The following ITGAL variants were observed in gnomAD, a reference collection of about 807,000 sequenced individuals.
ITGAL encodes the protein integrin subunit alpha L.
In ITGAL, 68 loss-of-function variants were observed where a neutral mutation model predicts 138.4. That is an observed-to-expected ratio of 0.49 (90% CI 0.40 to 0.60). The LOEUF is 0.60. Ranked by LOEUF, ITGAL falls within the 20% of genes least tolerant of loss-of-function variation. The pLI is 0.00. For synonymous variants in ITGAL, 561 were observed against 584.3 expected (o/e 0.96, Z 0.57); for missense variants, 1,256 against 1,478.6 (o/e 0.85, Z 2.47).
rs1453502225 is a variant in ITGAL at position 30,507,018 on chromosome 16, G to A, written c.2508+162G>A. Among the ~76,000 whole-genome samples, 3 of 152,292 alleles carry A rather than the reference G, an allele frequency of 2.0e-5. No homozygotes were observed. The East Asian group carries it at 5.8e-4, about 29-fold the overall frequency. On this transcript the variant is annotated intron_variant, in intron 21 of 30. Transcript: ENST00000356798. Reference sequence around the variant, plus strand: ...TTCCCAGCCTCGAGCTGTATGATCCGAGGTACCAGGTTTACCCTCTCAGGC... The same window carrying A: ...TTCCCAGCCTCGAGCTGTATGATCCAAGGTACCAGGTTTACCCTCTCAGGC...
chr16:30,505,036 A>AAT, intron 18 of ITGAL: 4 of 381,458 alleles, frequency 1.0e-5, no homozygotes, highest in East Asian at 3.7e-5. Flanking sequence ...AAAAAAAAAA[A>AAT]GAGCTGCCAG....
intron 25 of ITGAL, 27 bp downstream of exon 25, chr16:30,513,873 T>C: frequency 6.6e-7 from 1 of 1,516,110 alleles, no homozygotes; most frequent in Non-Finnish European, 9.2e-7. Flanking sequence ...GGAAGGTCCT[T>C]ATAGGTCACA....
intron 17 of ITGAL, 158 bp downstream of exon 17, chr16:30,499,647 T>G: frequency 2.5e-6 from 1 of 404,924 alleles, no homozygotes; most frequent in Non-Finnish European, 4.3e-6. Context: ...TATTTTCTTC[T>G]AGTGTTTTTT....
rs1212246765 is a variant in ITGAL, at chr16:30,494,261, C to G, written c.1263C>G (p.Ala421=). 6.2e-7 allele frequency: 1 copy of G among 1,613,024 alleles called. No individual in the cohort carries two copies. Among genetic ancestry groups the G allele is most frequent in the East Asian group, 2.2e-5 (1 of 44,880 alleles). Residue 421 remains alanine (A), a synonymous_variant, in exon 12 of 31, where the codon GCC becomes GCG. Transcript: ENST00000356798. This position sits in a 1 kb window ranked among gnomAD's most constrained non-coding sequence, Gnocchi z 4.2. ...LPSRQKTSLL[A]SGAPRYQHMG... is the part of the protein sequence containing the mutation. Reference sequence around the variant, plus strand: ...CCCGGCAAAAGACTTCGTTGCTGGCCTCGGGAGCCCCTCGATACCAGCACA... The same window carrying G: ...CCCGGCAAAAGACTTCGTTGCTGGCGTCGGGAGCCCCTCGATACCAGCACA...
At chr16:30,503,036 A>G (rs1597093634) in intron 17 of ITGAL, among the ~76,000 whole-genome samples, 1 of 151,944 alleles carries the variant, frequency 6.6e-6, no homozygotes, top group East Asian at 1.9e-4. Flanking sequence ...GCTGGTCTCA[A>G]ACTCCTGACC....
intron 15 of ITGAL, among the ~76,000 whole-genome samples, chr16:30,498,057 C>T (rs903665480): frequency 4.0e-5 from 6 of 151,616 alleles, no homozygotes; most frequent in African/African-American, 1.5e-4. Flanking sequence ...TGTGGGGGCC[C>T]CTCTGGAGGA....
chr16:30,518,741 C>T, intron 29 of ITGAL, 22 bp downstream of exon 29: 1 of 1,561,172 alleles, frequency 6.4e-7, no homozygotes, highest in Non-Finnish European at 8.8e-7. Flanking sequence ...TCCTTGGAAG[C>T]CCCAGGAACA....
At chr16:30,482,764 C>G (rs2050578464) in intron 7 of ITGAL, among the ~76,000 whole-genome samples, 1 of 152,006 alleles carries the variant, frequency 6.6e-6, no homozygotes, top group Non-Finnish European at 1.5e-5. Context: ...TGCTGCTGTT[C>G]CAGCAAGAGC....
At chr16:30,521,355 C>T (rs371417951) in intron 30 of ITGAL, 137 bp from the exon 31 acceptor site, 61 of 655,586 alleles carry the variant, frequency 9.3e-5, no homozygotes, top group Middle Eastern at 4.1e-4. Context: ...TGCAGTGAGC[C>T]GAGATCGCAC....
chr16:30,478,971 G>C (rs1382539700), intron 4 of ITGAL, 120 bp from the exon 5 acceptor site: 1 of 757,258 alleles, frequency 1.3e-6, no homozygotes, highest in Admixed American at 2.1e-5. Context: ...TTGGTAACCA[G>C]TTGGATAGAG....
intron 15 of ITGAL, among the ~76,000 whole-genome samples, chr16:30,498,069 C>G (rs1694444838): frequency 6.6e-6 from 1 of 151,818 alleles, no homozygotes. Context: ...TCTGGAGGAG[C>G]AGGGGGCTGT....
chr16:30,516,264 C>T (rs907746452), intron 25 of ITGAL, among the ~76,000 whole-genome samples: 1 of 150,500 alleles, frequency 6.6e-6, no homozygotes, highest in Admixed American at 6.6e-5. Context: ...GAGTCTCACT[C>T]TGTCGCCCAG....
Position 30,521,529 on chromosome 16 carries a change from A to C in ITGAL, c.3377A>C (p.Glu1126Ala). 1 of 1,614,188 alleles carries C rather than the reference A, an allele frequency of 6.2e-7. No individual in the cohort carries two copies. Among genetic ancestry groups the C allele is most frequent in the Non-Finnish European group, 8.5e-7 (1 of 1,180,024 alleles). The change falls in exon 31 of 31, where the codon GAG becomes GCG. Residue 1126 changes from glutamate (E) to alanine (A), a missense_variant. Glu to Ala is a moderately radical substitution (Grantham distance 107). Around this residue, in one of 3 missense-constraint regions of ITGAL, gnomAD observed 867 missense variants for 972.5 expected, o/e 0.89. Coordinates refer to ENST00000356798, the MANE Select transcript of ITGAL (RefSeq NM_002209.3). ...FFKRNLKEKM[E>A]AGRGVPNGIP... ...AAACGGAACCTGAAGGAGAAGATGG[A>C]GGCTGGCAGAGGTGTCCCGAATGGA... is the stretch of plus-strand genomic sequence containing the variant.
chr16:30,486,903 C>T (rs564040953), intron 9 of ITGAL, among the ~76,000 whole-genome samples: 1 of 151,628 alleles, frequency 6.6e-6, no homozygotes, highest in Admixed American at 6.6e-5. Context: ...TCAAGCAGTC[C>T]TCCCACCTTG....
chr16:30,478,525 C>T (rs1333932449), intron 4 of ITGAL, among the ~76,000 whole-genome samples: 4 of 151,384 alleles, frequency 2.6e-5, no homozygotes, highest in African/African-American at 7.3e-5. Context: ...GGTGAAACCC[C>T]GTCTCTGCTA....
In ITGAL at chr16:30,478,073, A is replaced by G. The variant is rs551373040; in HGVS notation, c.328-1018A>G. On this transcript the variant is annotated intron_variant, in intron 4 of 30. Coordinates refer to ENST00000356798, the MANE Select transcript of ITGAL (RefSeq NM_002209.3). ...AAGAAAAGGCTGGGTGCAGTGGCTC[A>G]CTCCTGTAATCCCAGCACTTTGGGA... Among the ~76,000 whole-genome samples the G allele has an allele frequency of 4.9e-4, 74 of 151,128 alleles. 1 individual carries two copies. The South Asian group carries it at 0.015, about 30-fold the overall frequency.
chr16:30,507,023 ACCAGGTTTACCC>A (rs2051011555), intron 21 of ITGAL, among the ~76,000 whole-genome samples, 167 bp downstream of exon 21: 1 of 152,168 alleles, frequency 6.6e-6, no homozygotes, highest in African/African-American at 2.4e-5. Flanking sequence ...GATCCGAGGT[ACCAGGTTTACCC>A]TCTCAGGCTG....
chr16:30,489,215 C>T (rs1567470115), intron 10 of ITGAL, 39 bp from the exon 11 acceptor site: 6 of 1,613,578 alleles, frequency 3.7e-6, no homozygotes, highest in Non-Finnish European at 5.1e-6. Context: ...GGGGGTGGGT[C>T]GGTGGGTAGC....
intron 4 of ITGAL, among the ~76,000 whole-genome samples, chr16:30,477,789 G>A (rs1353803215): frequency 6.6e-6 from 1 of 151,846 alleles, no homozygotes; most frequent in Non-Finnish European, 1.5e-5. Flanking sequence ...GGGAGGCTGA[G>A]GTAGGAGAAT....
Sources: gnomAD v4.1 joint callset for allele counts (sites outside exome capture counted in the v4.1 genomes callset) on GRCh38, gnomAD v4.1.1 for gene constraint, gnomAD v4.1.1 regional missense constraint, Gnocchi (gnomAD v3.1) non-coding constraint, MANE v1.5 for transcripts, NCBI Gene and HGNC (gene_info 2026-07-23, HGNC 2026-07-21) for gene names.